The following ITPR1 variants were observed in gnomAD, a reference collection of about 807,000 sequenced individuals.
The protein encoded by ITPR1 is inositol 1,4,5-trisphosphate-gated calcium channel ITPR1.
ITPR1 carries 96 observed loss-of-function variants against 318.4 expected under a neutral mutation model. That is an observed-to-expected ratio of 0.30 (90% CI 0.26 to 0.36). The LOEUF (loss-of-function observed/expected upper bound fraction) is 0.36, where lower values mean the gene tolerates loss of function less well. Ranked by LOEUF, ITPR1 falls within the 10% of genes least tolerant of loss-of-function variation. The pLI, the probability that ITPR1 is intolerant of heterozygous loss-of-function variation, is 1.00. For synonymous variants in ITPR1, 1,312 were observed against 1,289.9 expected (o/e 1.02, Z -0.37); for missense variants, 2,440 against 3,460.2 (o/e 0.71, Z 7.40).
At chr3:4,811,675 T>G (rs2048947538) in intron 56 of ITPR1, among the ~76,000 whole-genome samples, 1 of 152,200 alleles carries the variant, frequency 6.6e-6, no homozygotes, top group Non-Finnish European at 1.5e-5. Flanking sequence ...GATCTGACAT[T>G]TATTTATTCA....
intron 60 of ITPR1, among the ~76,000 whole-genome samples, chr3:4,832,395 T>G (rs531895268): frequency 6.6e-6 from 1 of 152,320 alleles, no homozygotes; most frequent in Admixed American, 6.5e-5. Flanking sequence ...CGCCGTGTTT[T>G]AACATTTGAT....
At chr3:4,819,683 G>T (rs932503782) in intron 60 of ITPR1, among the ~76,000 whole-genome samples, 1 of 152,206 alleles carries the variant, frequency 6.6e-6, no homozygotes, top group Admixed American at 6.5e-5. Context: ...GCTCCATGGG[G>T]AACCCGGAGG....
chr3:4,524,286 G>A (rs2082792620), intron 4 of ITPR1, among the ~76,000 whole-genome samples: 1 of 142,360 alleles, frequency 7.0e-6, no homozygotes, highest in South Asian at 2.3e-4. Context: ...CAACTGCGGT[G>A]CAGCATACTT....
intron 44 of ITPR1, chr3:4,749,617 A>C (rs532328853): frequency 4.6e-5 from 7 of 152,370 alleles, no homozygotes; most frequent in African/African-American, 1.7e-4. Flanking sequence ...AAGTCCTCTC[A>C]GTTCAAGCCA....
At chr3:4,755,444 G>T (rs1209022968) in intron 44 of ITPR1, among the ~76,000 whole-genome samples, 3 of 147,640 alleles carry the variant, frequency 2.0e-5, no homozygotes, top group Non-Finnish European at 4.5e-5. Context: ...TTGCTATGTT[G>T]CCCAGGCTGG....
At chr3:4,520,734 G>T (rs372267142) in intron 3 of ITPR1, among the ~76,000 whole-genome samples, 1 of 152,094 alleles carries the variant, frequency 6.6e-6, no homozygotes, top group Non-Finnish European at 1.5e-5. Flanking sequence ...GCTGTGTCTC[G>T]CGACTTCAGC....
At chr3:4,597,339 A>T (rs575498695) in intron 4 of ITPR1, among the ~76,000 whole-genome samples, 42 of 152,238 alleles carry the variant, frequency 2.8e-4, no homozygotes, top group Non-Finnish European at 4.7e-4. Flanking sequence ...AAATGAAGCT[A>T]CTATTAGTCC....
chr3:4,522,286 A>G (rs1406242973), intron 4 of ITPR1, among the ~76,000 whole-genome samples: 1 of 152,242 alleles, frequency 6.6e-6, no homozygotes, highest in African/African-American at 2.4e-5. Context: ...TGATGACTTC[A>G]GTCCCAAAGG....
Position 4,795,148 on chromosome 3 carries a change from C to G in ITPR1, c.6892C>G (p.Leu2298Val). The G allele has an allele frequency of 6.2e-7, 1 of 1,613,778 alleles. No individual in the cohort carries two copies. Among genetic ancestry groups the G allele is most frequent in the Non-Finnish European group, 8.5e-7 (1 of 1,179,802 alleles). ...SFNLAVLMNL[L>V]VAFFYPFKGV... ...TAACCTGGCCGTCCTGATGAACCTGCTGGTGGCGTTTTTCTACCCGTTTAA... is the reference window on the plus strand; with the variant it reads ...TAACCTGGCCGTCCTGATGAACCTGGTGGTGGCGTTTTTCTACCCGTTTAA... The change falls in exon 53 of 62, where the codon CTG (leucine) becomes GTG (valine). Residue 2298 changes from leucine to valine, a missense_variant. By Grantham distance (32) the Leu-to-Val change is conservative. This residue lies in a region of ITPR1 where 115 missense variants were observed against 204.5 expected (regional missense o/e 0.56). Transcript: ENST00000649015.
At chr3:4,712,007 A>G in intron 39 of ITPR1, 139 bp downstream of exon 39, 2 of 525,310 alleles carry the variant, frequency 3.8e-6, no homozygotes, top group Non-Finnish European at 6.8e-6. Context: ...AGAAAGAAAA[A>G]GCTGTTTATC....
intron 8 of ITPR1, among the ~76,000 whole-genome samples, 186 bp downstream of exon 8, chr3:4,644,420 G>A (rs1203647023): frequency 1.3e-5 from 2 of 152,246 alleles, no homozygotes; most frequent in East Asian, 1.9e-4. Context: ...TGTGCAGTGG[G>A]TAGTAGATGT....
At chr3:4,543,772 C>G (rs1480648585) in intron 4 of ITPR1, among the ~76,000 whole-genome samples, 1 of 152,210 alleles carries the variant, frequency 6.6e-6, no homozygotes, top group Non-Finnish European at 1.5e-5. Context: ...ATGATTTTGA[C>G]TGCAAGTAAG....
intron 59 of ITPR1, 122 bp from the exon 60 acceptor site, chr3:4,817,960 C>A: frequency 1.4e-6 from 1 of 727,002 alleles, no homozygotes; most frequent in Non-Finnish European, 2.2e-6. Flanking sequence ...CGACAGAATC[C>A]AACTCTTTAT....
chr3:4,504,483 C>G (rs1221530632), intron 2 of ITPR1, among the ~76,000 whole-genome samples: 1 of 152,194 alleles, frequency 6.6e-6, no homozygotes, highest in Non-Finnish European at 1.5e-5. Flanking sequence ...ATTTTCTATG[C>G]TCCCAGAGAA....
chr3:4,793,188 C>T (rs2047679853), intron 52 of ITPR1, among the ~76,000 whole-genome samples: 1 of 152,212 alleles, frequency 6.6e-6, no homozygotes, highest in Non-Finnish European at 1.5e-5. Context: ...AGAATGTTAG[C>T]CTTATAAAAA....
At chr3:4,616,472 C>A (rs1447446959) in intron 4 of ITPR1, among the ~76,000 whole-genome samples, 1 of 152,104 alleles carries the variant, frequency 6.6e-6, no homozygotes, top group South Asian at 2.1e-4. Flanking sequence ...ATTCTCTTTC[C>A]TCTTATCCTT....
rs367822111 is a variant in ITPR1 at position 4,782,602 on chromosome 3, C to T, written c.6388-17C>T. On this transcript the variant is annotated splice_polypyrimidine_tract_variant and intron_variant, in intron 49 of 61. Transcript: ENST00000649015. ...TTCCTTGAAACAGGATTTTTGTTCC[C>T]TTGGCTCTTCTTGCAGGTGGAAGTG... 3 of 1,595,756 alleles carry T rather than the reference C, an allele frequency of 1.9e-6. No individual in the cohort carries two copies. The highest frequency in any genetic ancestry group is 2.6e-6 in the Non-Finnish European group (3 of 1,171,010).
chr3:4,702,853 A>G lies in ITPR1; in HGVS notation c.4560A>G (p.Gln1520=), dbSNP rs2094684793. 2 of 1,613,750 alleles carry G rather than the reference A, an allele frequency of 1.2e-6. No homozygotes were observed. The highest frequency in any genetic ancestry group is 1.3e-5 in the African/African-American group (1 of 74,912). ...TLQTRQPVFV[Q]LLQGVFRVYH... ...AGACTCGCCAGCCTGTCTTTGTGCAACTGCTGCAAGGCGTGTTCAGGGTTT... is the reference window on the plus strand; with the variant it reads ...AGACTCGCCAGCCTGTCTTTGTGCAGCTGCTGCAAGGCGTGTTCAGGGTTT... Residue 1520 remains glutamine, a synonymous_variant, in exon 36 of 62, where the codon CAA becomes CAG. Transcript: ENST00000649015.
At chr3:4,708,117 T>C (rs935075669) in intron 37 of ITPR1, among the ~76,000 whole-genome samples, 1 of 152,086 alleles carries the variant, frequency 6.6e-6, no homozygotes, top group African/African-American at 2.4e-5. Flanking sequence ...GAAAGTAACA[T>C]TTTGAACCAA....
Sources: allele counts gnomAD v4.1 joint callset (sites outside exome capture counted in the v4.1 genomes callset), GRCh38; gene constraint gnomAD v4.1.1; regional missense constraint gnomAD v4.1.1; transcripts MANE v1.5; gene names NCBI Gene and HGNC (gene_info 2026-07-23, HGNC 2026-07-21).